GULP1: variants seen among roughly 807,000 people sequenced by gnomAD.
The protein encoded by GULP1 is PTB domain-containing engulfment adapter protein 1.
In GULP1, 19 loss-of-function variants were observed where a neutral mutation model predicts 40.9. The ratio of observed to expected loss-of-function variants is 0.46; its 90% CI spans 0.32 to 0.68. The LOEUF (loss-of-function observed/expected upper bound fraction) is 0.68. GULP1 is among the 30% of genes least tolerant of loss of function. The pLI is 0.03. For missense variants in GULP1, 312 were observed against 362.2 expected, an observed-to-expected ratio of 0.86 and a Z score of 1.12; for synonymous variants, 119 against 117.6, an observed-to-expected ratio of 1.01 and a Z score of -0.08.
chr2:188,440,883 T>A (rs1358894765), intron 2 of GULP1, among the ~76,000 whole-genome samples: 1 of 152,188 alleles, frequency 6.6e-6, no homozygotes, highest in Non-Finnish European at 1.5e-5. Flanking sequence ...AATATCAAGA[T>A]GATGGAATAA....
At chr2:188,352,415 T>A (rs2044576227) in intron 1 of GULP1, among the ~76,000 whole-genome samples, 1 of 152,110 alleles carries the variant, frequency 6.6e-6, no homozygotes, top group Admixed American at 6.6e-5. Context: ...GATTTTCAAC[T>A]AGAACTTACT....
chr2:188,313,740 C>T (rs1156776870), intron 1 of GULP1, among the ~76,000 whole-genome samples: 1 of 152,100 alleles, frequency 6.6e-6, no homozygotes, highest in Non-Finnish European at 1.5e-5. Context: ...TTTTTCCTAT[C>T]CATGAGGATG....
At chr2:188,312,318 C>G (rs1248335056) in intron 1 of GULP1, among the ~76,000 whole-genome samples, 3 of 152,122 alleles carry the variant, frequency 2.0e-5, no homozygotes, top group Non-Finnish European at 2.9e-5. Context: ...ATCCCCCATC[C>G]ACCAACAGAA....
At chr2:188,327,862 T>C (rs1473846894) in intron 1 of GULP1, among the ~76,000 whole-genome samples, 1 of 152,172 alleles carries the variant, frequency 6.6e-6, no homozygotes, top group Non-Finnish European at 1.5e-5. Flanking sequence ...GCCAACCTAA[T>C]ATTTATGGTG....
At chr2:188,344,729 C>T (rs1164092141) in intron 1 of GULP1, among the ~76,000 whole-genome samples, 1 of 152,172 alleles carries the variant, frequency 6.6e-6, no homozygotes, top group African/African-American at 2.4e-5. Context: ...TGACCATTCT[C>T]ATCTCACTTG....
At chr2:188,437,303 C>T (rs1356451810) in intron 2 of GULP1, among the ~76,000 whole-genome samples, 2 of 151,942 alleles carry the variant, frequency 1.3e-5, no homozygotes, top group Non-Finnish European at 2.9e-5. Context: ...AGAGCCCAAA[C>T]GATCTAATTG....
intron 5 of GULP1, among the ~76,000 whole-genome samples, chr2:188,528,247 A>T (rs1167465537): frequency 1.3e-5 from 2 of 152,104 alleles, no homozygotes; most frequent in South Asian, 4.1e-4. Flanking sequence ...AATACTATAT[A>T]TATGTTGTGT....
chr2:188,533,297 A>G (rs367710572), intron 6 of GULP1, among the ~76,000 whole-genome samples: 1 of 152,046 alleles, frequency 6.6e-6, no homozygotes, highest in African/African-American at 2.4e-5. Context: ...GTACAGCAAC[A>G]GTAGAGAATA....
At chr2:188,294,116 C>A (rs1380449513) in intron 1 of GULP1, 1 of 152,172 alleles carries the variant, frequency 6.6e-6, no homozygotes, top group Non-Finnish European at 1.5e-5. Flanking sequence ...TTGCAAATGC[C>A]CACACTTTGT....
intron 1 of GULP1, among the ~76,000 whole-genome samples, chr2:188,377,439 G>A (rs1037623651): frequency 6.6e-6 from 1 of 152,088 alleles, no homozygotes; most frequent in African/African-American, 2.4e-5. Context: ...TAATAGACAA[G>A]ATTTTTCTCA....
intron 9 of GULP1, among the ~76,000 whole-genome samples, chr2:188,579,699 G>GA (rs919881686): frequency 2.0e-5 from 3 of 151,884 alleles, no homozygotes; most frequent in Admixed American, 6.6e-5. Flanking sequence ...TTCTGAAATT[G>GA]AAAAAACCTC....
intron 2 of GULP1, among the ~76,000 whole-genome samples, chr2:188,467,100 A>G (rs1383563666): frequency 6.6e-6 from 1 of 152,110 alleles, no homozygotes. Flanking sequence ...GGGTCTGGGG[A>G]CATGACACAG....
At chr2:188,500,521 G>A (rs1394655560) in intron 4 of GULP1, among the ~76,000 whole-genome samples, 1 of 151,908 alleles carries the variant, frequency 6.6e-6, no homozygotes, top group Admixed American at 6.6e-5. Context: ...ATTGTAGGAT[G>A]TTAATAATCT....
intron 1 of GULP1, among the ~76,000 whole-genome samples, chr2:188,337,657 G>C (rs1379997120): frequency 6.6e-6 from 1 of 151,958 alleles, no homozygotes; most frequent in Non-Finnish European, 1.5e-5. Context: ...GGTTAGCAAA[G>C]TAGACTTTGG....
rs180694664 is a variant in GULP1, at chr2:188,316,655, C to T, written c.-172+24489C>T. Reference sequence around the variant, plus strand: ...CATCTTCCTGGGAAGCCTACCCTTACCTCCATATTTAAAATCACAACTCCT... The same window carrying T: ...CATCTTCCTGGGAAGCCTACCCTTATCTCCATATTTAAAATCACAACTCCT... On this transcript the variant is annotated intron_variant, in intron 1 of 11. Transcript: ENST00000409830. Among the ~76,000 whole-genome samples, 74 of 152,286 alleles carry T rather than the reference C, an allele frequency of 4.9e-4. 1 individual carries two copies. The East Asian group carries it at 0.014, about 28-fold the overall frequency.
intron 1 of GULP1, among the ~76,000 whole-genome samples, chr2:188,331,214 T>G (rs1330921079): frequency 6.6e-6 from 1 of 152,158 alleles, no homozygotes. Flanking sequence ...GAGACAGGCC[T>G]TAGAAATAAT....
At chr2:188,394,170 G>A (rs2050908632) in intron 2 of GULP1, among the ~76,000 whole-genome samples, 1 of 151,788 alleles carries the variant, frequency 6.6e-6, no homozygotes, top group Non-Finnish European at 1.5e-5. Flanking sequence ...TTATTCTTAG[G>A]TTTGATCATT....
intron 4 of GULP1, among the ~76,000 whole-genome samples, chr2:188,487,057 G>A (rs1245979182): frequency 6.6e-6 from 1 of 152,006 alleles, no homozygotes; most frequent in African/African-American, 2.4e-5. Context: ...ACTATAATTA[G>A]AATGTTAATG....
chr2:188,497,017 A>G (rs1000129696), intron 4 of GULP1, among the ~76,000 whole-genome samples: 1 of 151,968 alleles, frequency 6.6e-6, no homozygotes, highest in Non-Finnish European at 1.5e-5. Context: ...CAGAACTGTG[A>G]GCCAATTAAA....
Sources: allele counts gnomAD v4.1 joint callset (sites outside exome capture counted in the v4.1 genomes callset), GRCh38; gene constraint gnomAD v4.1.1; transcripts MANE v1.5; gene names NCBI Gene and HGNC (gene_info 2026-07-23, HGNC 2026-07-21).